The following ELMOD1 variants were observed in gnomAD, a reference collection of about 807,000 sequenced individuals.
The protein encoded by ELMOD1 is ELMO domain-containing protein 1.
ELMOD1 carries 21 observed loss-of-function variants against 46.7 expected under a neutral mutation model. That is an observed-to-expected ratio of 0.45 (90% CI 0.32 to 0.65). ELMOD1 has a LOEUF of 0.65. Ranked by LOEUF, ELMOD1 falls within the 30% of genes least tolerant of loss-of-function variation. The pLI, the probability that ELMOD1 is intolerant of heterozygous loss-of-function variation, is 0.04. For synonymous variants in ELMOD1, 122 were observed against 138.2 expected (o/e 0.88, Z 0.82); for missense variants, 348 against 407.8 (o/e 0.85, Z 1.26).
chr11:107,593,228 ATTTG>A (rs1865434733), intron 1 of ELMOD1: 2 of 152,464 alleles, frequency 1.3e-5, no homozygotes. Context: ...CAAATCAAAG[ATTTG>A]TTTATTTCTC....
At chr11:107,641,445 G>A (rs1866322028) in intron 6 of ELMOD1, among the ~76,000 whole-genome samples, 1 of 152,110 alleles carries the variant, frequency 6.6e-6, no homozygotes, top group African/African-American at 2.4e-5. Context: ...TTCCTATAGT[G>A]TAATGTAATT....
At chr11:107,603,206 G>T (rs1313983777) in intron 1 of ELMOD1, among the ~76,000 whole-genome samples, 1 of 152,170 alleles carries the variant, frequency 6.6e-6, no homozygotes. Context: ...AATTTCAAAA[G>T]ATGGAGAAGG....
At chr11:107,616,296 C>G (rs1865862245) in intron 1 of ELMOD1, among the ~76,000 whole-genome samples, 1 of 151,282 alleles carries the variant, frequency 6.6e-6, no homozygotes, top group Non-Finnish European at 1.5e-5. Flanking sequence ...GTGCCCAGCC[C>G]TACTGTAGTT....
chr11:107,626,376 GAAAAAA>G (rs111962841), intron 2 of ELMOD1, among the ~76,000 whole-genome samples: 3 of 66,886 alleles, frequency 4.5e-5, no homozygotes, highest in Non-Finnish European at 9.5e-5. Context: ...ATGCAGTCAT[GAAAAAA>G]AAAAAAAAAA....
chr11:107,592,339 C>G (rs772775787), intron 1 of ELMOD1: 6 of 533,812 alleles, frequency 1.1e-5, no homozygotes, highest in South Asian at 8.4e-5. Flanking sequence ...GCTGCTAACC[C>G]CCAGTGGGCC....
intron 7 of ELMOD1, among the ~76,000 whole-genome samples, chr11:107,648,978 G>A (rs1866479860): frequency 6.6e-6 from 1 of 152,040 alleles, no homozygotes; most frequent in Non-Finnish European, 1.5e-5. Flanking sequence ...TTTAAAAGAA[G>A]TTAATTAAGC....
In ELMOD1 at chr11:107,634,174, A is replaced by G. The variant is rs537507533; in HGVS notation, c.291-1462A>G. 2.6e-5 allele frequency among the ~76,000 whole-genome samples: 4 copies of G among 152,324 alleles called. No homozygotes were observed. In the South Asian group the frequency reaches 6.2e-4, roughly 24 times the overall value. On this transcript the variant is annotated intron_variant, in intron 5 of 11. Transcript: ENST00000265840. ...ACTAGATTGGAGAGTATCATATGCAATTGCCAATGTTCAGCCATTTTTGAG... is the reference window on the plus strand; with the variant it reads ...ACTAGATTGGAGAGTATCATATGCAGTTGCCAATGTTCAGCCATTTTTGAG...
chr11:107,635,173 A>C (rs1866206528), intron 5 of ELMOD1, among the ~76,000 whole-genome samples: 1 of 152,120 alleles, frequency 6.6e-6, no homozygotes, highest in Non-Finnish European at 1.5e-5. Context: ...ACATCTTTCT[A>C]AGGTAATTCT....
intron 7 of ELMOD1, 59 bp from the exon 8 acceptor site, chr11:107,650,276 G>T (rs766724122): frequency 4.5e-5 from 54 of 1,207,090 alleles, no homozygotes; most frequent in Non-Finnish European, 6.0e-5. Flanking sequence ...GGATTAAAAT[G>T]AATATATTCA....
intron 1 of ELMOD1, among the ~76,000 whole-genome samples, chr11:107,615,831 C>T (rs944365146): frequency 6.6e-6 from 1 of 150,768 alleles, no homozygotes; most frequent in African/African-American, 2.4e-5. Flanking sequence ...TGGGGTTTGT[C>T]GAATGTTCTC....
chr11:107,656,761 C>A (rs1332941800), intron 11 of ELMOD1, among the ~76,000 whole-genome samples: 1 of 152,110 alleles, frequency 6.6e-6, no homozygotes, highest in Non-Finnish European at 1.5e-5. Flanking sequence ...CATGGCATAG[C>A]ACTTAAGAGT....
At chr11:107,616,596 C>T (rs35131078) in intron 1 of ELMOD1, among the ~76,000 whole-genome samples, 38,863 of 151,914 alleles carry the variant, frequency 0.26, 5,409 homozygotes, top group South Asian at 0.34. Flanking sequence ...CCATGCTGGT[C>T]TTGAACGCCT....
Position 107,591,346 on chromosome 11 carries a change from G to A in ELMOD1, c.-149G>A, listed in dbSNP as rs1186561246. ...CGCGTAGCCGGAGCGCCTGGGGAAG[G>A]CGGAGATGAAGACCACGCCGCCGCG... On this transcript the variant is annotated 5_prime_UTR_variant, in exon 1 of 12. Transcript: ENST00000265840. 6.6e-6 allele frequency: 1 copy of A among 152,634 alleles called. No individual in the cohort carries two copies. Among genetic ancestry groups the A allele is most frequent in the Admixed American group, 6.5e-5 (1 of 15,284 alleles). 9.5% of individuals were successfully genotyped at this position (152,634 alleles called of 1,614,324 possible). A position where few individuals can be genotyped will look rare whatever the true frequency, so the allele number is the denominator to read the frequency against.
intron 1 of ELMOD1, among the ~76,000 whole-genome samples, chr11:107,603,899 G>T (rs1472912782): frequency 6.6e-6 from 1 of 151,094 alleles, no homozygotes; most frequent in Non-Finnish European, 1.5e-5. Flanking sequence ...AGGAATTAAA[G>T]ATTAAAAAAA....
At chr11:107,604,703 T>C (rs1252754366) in intron 1 of ELMOD1, among the ~76,000 whole-genome samples, 1 of 152,246 alleles carries the variant, frequency 6.6e-6, no homozygotes, top group Non-Finnish European at 1.5e-5. Context: ...CAAACATCTG[T>C]CAAGCCATGC....
At position 107,595,776 on chromosome 11, in the gene ELMOD1, T is replaced by C. The variant is rs539915729; in HGVS notation, c.-86+4367T>C. The stretch of plus-strand genomic sequence containing the variant: ...AGTTTCTATGCTGTAAAATGGAAGG[T>C]ATGCAAATTAAAAAAATAATATTGT... On this transcript the variant is annotated intron_variant, in intron 1 of 11. Transcript: ENST00000265840. Among the ~76,000 whole-genome samples, 58 of 152,200 alleles carry C rather than the reference T, an allele frequency of 3.8e-4. 1 individual carries two copies. Among genetic ancestry groups the C allele is most frequent in the South Asian group, 2.1e-3 (10 of 4,810 alleles).
intron 6 of ELMOD1, among the ~76,000 whole-genome samples, chr11:107,637,914 C>T (rs1335474546): frequency 6.6e-6 from 1 of 152,094 alleles, no homozygotes; most frequent in Non-Finnish European, 1.5e-5. Flanking sequence ...CAGATATATT[C>T]ATTGTCATTC....
intron 2 of ELMOD1, chr11:107,625,526 A>T (rs757522864): frequency 7.1e-6 from 7 of 985,434 alleles, no homozygotes; most frequent in Non-Finnish European, 8.4e-6. Flanking sequence ...ATAGTGTTGC[A>T]TTACAGGTAC....
At chr11:107,626,954 T>A (rs1866054429) in intron 2 of ELMOD1, among the ~76,000 whole-genome samples, 1 of 152,174 alleles carries the variant, frequency 6.6e-6, no homozygotes, top group African/African-American at 2.4e-5. Context: ...GGTCCTTTTA[T>A]AAGGAAGCAA....
Sources: gnomAD v4.1 joint callset for allele counts (sites outside exome capture counted in the v4.1 genomes callset) on GRCh38, gnomAD v4.1.1 for gene constraint, MANE v1.5 for transcripts, NCBI Gene and HGNC (gene_info 2026-07-23, HGNC 2026-07-21) for gene names.